The following PRKG1 variants were observed in gnomAD, a reference collection of about 807,000 sequenced individuals.
PRKG1 encodes the protein protein kinase cGMP-dependent 1.
PRKG1 carries 35 observed loss-of-function variants against 88.1 expected under a neutral mutation model. That is an observed-to-expected ratio of 0.40 (90% confidence interval 0.30 to 0.53). The LOEUF (loss-of-function observed/expected upper bound fraction) is 0.53, where lower values mean the gene tolerates loss of function less well. PRKG1 is among the 20% of genes least tolerant of loss of function. PRKG1 has a pLI of 0.59. For missense variants in PRKG1, 540 were observed against 839.8 expected (o/e 0.64, Z 4.41); for synonymous variants, 303 against 292.5 (o/e 1.04, Z -0.37).
intron 1 of PRKG1, among the ~76,000 whole-genome samples, chr10:51,119,325 T>G (rs1394227786): frequency 6.6e-6 from 1 of 152,078 alleles, no homozygotes; most frequent in Admixed American, 6.6e-5. Context: ...CCTTATACTT[T>G]TTCCTGAAAA....
chr10:52,142,782 C>G (rs1199413989), intron 8 of PRKG1, among the ~76,000 whole-genome samples: 1 of 152,146 alleles, frequency 6.6e-6, no homozygotes, highest in Non-Finnish European at 1.5e-5. Flanking sequence ...AGCTTTGGTT[C>G]GCCTGTTGAT....
At position 51,116,271 on chromosome 10, in the gene PRKG1, C is replaced by A. The variant is rs568291863; in HGVS notation, c.312-36893C>A. ...CTCTGCCCCTCTGAATTATTTCAAC[C>A]ATGCATTTCCTGCCTCTTGAAGAAG... On this transcript the variant is annotated intron_variant, in intron 1 of 17. Transcript: ENST00000373980. Among the ~76,000 whole-genome samples the A allele has an allele frequency of 3.9e-5, 6 of 152,264 alleles. No homozygotes were observed. The East Asian group carries it at 9.7e-4, about 25-fold the overall frequency.
chr10:51,967,615 C>T (rs1181432226), intron 5 of PRKG1, among the ~76,000 whole-genome samples: 1 of 152,098 alleles, frequency 6.6e-6, no homozygotes, highest in Non-Finnish European at 1.5e-5. Flanking sequence ...CTTCAATGGC[C>T]TCAGCCCATT....
chr10:52,165,741 AG>A lies in PRKG1; in HGVS notation c.1076+3779del, dbSNP rs575652384. On this transcript the variant is annotated intron_variant, in intron 9 of 17. Coordinates refer to ENST00000373980, the MANE Select transcript of PRKG1 (RefSeq NM_006258.4). ...CCTATTTGGGTAAGAAGCGAAAAAA[AG>A]TAGGACTGACTGTAAAGATTGATTA... Among the ~76,000 whole-genome samples the A allele has an allele frequency of 1.0e-3, 159 of 152,336 alleles. 3 individuals are homozygous for A. Among genetic ancestry groups the A allele is most frequent in the African/African-American group, 3.6e-3 (150 of 41,574 alleles).
chr10:51,779,315 C>T (rs1838523391), intron 3 of PRKG1, among the ~76,000 whole-genome samples: 1 of 152,026 alleles, frequency 6.6e-6, no homozygotes, highest in Admixed American at 6.6e-5. Flanking sequence ...GGCAGCAATA[C>T]ACGAATTTTT....
At chr10:52,118,814 G>C (rs1448253019) in intron 7 of PRKG1, among the ~76,000 whole-genome samples, 1 of 152,064 alleles carries the variant, frequency 6.6e-6, no homozygotes, top group Non-Finnish European at 1.5e-5. Context: ...TAGCAAGCTA[G>C]CTCTTTATTC....
At chr10:51,289,476 T>A (rs1219182937) in intron 2 of PRKG1, among the ~76,000 whole-genome samples, 1 of 152,196 alleles carries the variant, frequency 6.6e-6, no homozygotes, top group Non-Finnish European at 1.5e-5. Context: ...TGTGGCTGAA[T>A]AGAAGCTACC....
intron 5 of PRKG1, among the ~76,000 whole-genome samples, chr10:51,941,683 T>G (rs1036389477): frequency 2.8e-5 from 4 of 145,242 alleles, no homozygotes; most frequent in African/African-American, 1.0e-4. Flanking sequence ...AATTCCCACC[T>G]ATGAATAAGA....
chr10:52,043,213 A>G (rs1222470252), intron 5 of PRKG1, among the ~76,000 whole-genome samples: 1 of 152,118 alleles, frequency 6.6e-6, no homozygotes, highest in Non-Finnish European at 1.5e-5. Flanking sequence ...TAAATTCACT[A>G]TGGGGTATAA....
intron 3 of PRKG1, among the ~76,000 whole-genome samples, chr10:51,606,704 A>T (rs931642106): frequency 6.6e-6 from 1 of 152,170 alleles, no homozygotes; most frequent in African/African-American, 2.4e-5. Flanking sequence ...CTAGAGGGAG[A>T]TGTTTTATTT....
intron 5 of PRKG1, among the ~76,000 whole-genome samples, chr10:52,051,732 G>A (rs1845991442): frequency 6.6e-6 from 1 of 152,176 alleles, no homozygotes; most frequent in African/African-American, 2.4e-5. Context: ...CTTCACTATT[G>A]TGAAGAGAAG....
chr10:52,026,697 C>A (rs1236263872), intron 5 of PRKG1, among the ~76,000 whole-genome samples: 6 of 152,172 alleles, frequency 3.9e-5, no homozygotes, highest in Non-Finnish European at 1.5e-5. Context: ...TGAATTTCGG[C>A]CAGGCACGGT....
chr10:51,204,476 T>C (rs1177450949), intron 2 of PRKG1, among the ~76,000 whole-genome samples: 2 of 151,996 alleles, frequency 1.3e-5, no homozygotes, highest in African/African-American at 4.8e-5. Flanking sequence ...ATTTTCCAAA[T>C]TCTCTAGTAT....
At chr10:51,806,142 G>T (rs953136495) in intron 4 of PRKG1, among the ~76,000 whole-genome samples, 3 of 152,140 alleles carry the variant, frequency 2.0e-5, no homozygotes, top group Non-Finnish European at 4.4e-5. Flanking sequence ...AAGAGCTATT[G>T]ATTTCTTCTA....
At chr10:52,003,346 A>C (rs187730268) in intron 5 of PRKG1, among the ~76,000 whole-genome samples, 1 of 152,132 alleles carries the variant, frequency 6.6e-6, no homozygotes, top group East Asian at 1.9e-4. Context: ...TGTTCTTTTT[A>C]GTCTAAATCT....
chr10:51,221,965 C>A (rs1838546542), intron 2 of PRKG1, among the ~76,000 whole-genome samples: 1 of 146,778 alleles, frequency 6.8e-6, no homozygotes, highest in South Asian at 2.1e-4. Context: ...ACTTCTGTAT[C>A]CCGGGTTCAA....
intron 3 of PRKG1, among the ~76,000 whole-genome samples, chr10:51,770,800 G>A (rs141152535): frequency 5.9e-5 from 9 of 152,234 alleles, no homozygotes; most frequent in East Asian, 3.9e-4. Context: ...AGTGGTCCCC[G>A]GTGACCAAAA....
At chr10:52,255,577 G>A (rs1255299308) in intron 10 of PRKG1, among the ~76,000 whole-genome samples, 1 of 151,934 alleles carries the variant, frequency 6.6e-6, no homozygotes, top group Non-Finnish European at 1.5e-5. Flanking sequence ...ATGTATATAT[G>A]TAGTGAGCTC....
rs567573423 is a variant in PRKG1, at chr10:51,226,029, C to T, written c.478+72699C>T. ...GATCAGCCTGGGCAACACGGTGAAA[C>T]ACCGCCTCTACTAAAATACAAAAAG... On this transcript the variant is annotated intron_variant, in intron 2 of 17. Transcript: ENST00000373980. 2.0e-5 allele frequency among the ~76,000 whole-genome samples: 3 copies of T among 152,218 alleles called. No individual in the cohort carries two copies. The South Asian group carries it at 6.2e-4, about 32-fold the overall frequency.
Sources: gnomAD v4.1 joint callset for allele counts (sites outside exome capture counted in the v4.1 genomes callset) on GRCh38, gnomAD v4.1.1 for gene constraint, MANE v1.5 for transcripts, NCBI Gene and HGNC (gene_info 2026-07-23, HGNC 2026-07-21) for gene names.